Variants in PTPN13 observed in about 807,000 individuals in gnomAD.
PTPN13 encodes the protein protein tyrosine phosphatase non-receptor type 13, also known as tyrosine-protein phosphatase non-receptor type 13.
A neutral mutation model predicts 284.0 loss-of-function variants in PTPN13; 191 were observed. The observed-to-expected ratio is 0.67, with a 90% CI of 0.60 to 0.76. The LOEUF is 0.76. Ranked by LOEUF, PTPN13 falls within the 30% of genes least tolerant of loss-of-function variation. The pLI is 0.00. For synonymous variants in PTPN13, 986 were observed against 1,022.3 expected (o/e 0.96, Z 0.68); for missense variants, 2,797 against 2,939.9 (o/e 0.95, Z 1.12).
chr4:86,637,913 T>C lies in PTPN13; in HGVS notation c.115+2542T>C, dbSNP rs1269396912. ...TTGTCCCTGTTTGCAGACGACATGA[T>C]TGTATATCTAGAAAACCCCATCGTC... On this transcript the variant is annotated intron_variant, in intron 2 of 47. Coordinates refer to ENST00000411767, the MANE Select transcript of PTPN13 (RefSeq NM_080683.3). 2.6e-5 allele frequency among the ~76,000 whole-genome samples: 4 copies of C among 151,672 alleles called. No individual in the cohort carries two copies. In the East Asian group the frequency reaches 7.7e-4, roughly 29 times the overall value.
intron 7 of PTPN13, among the ~76,000 whole-genome samples, chr4:86,714,512 A>G (rs1732789019): frequency 6.6e-6 from 1 of 152,092 alleles, no homozygotes; most frequent in South Asian, 2.1e-4. Context: ...CCACCACCTG[A>G]AATCAAGCAC....
chr4:86,789,689 G>A (rs1045741264), intron 40 of PTPN13, among the ~76,000 whole-genome samples: 2 of 152,032 alleles, frequency 1.3e-5, no homozygotes, highest in African/African-American at 4.8e-5. Context: ...AATATATTCA[G>A]TGAGGCAGTA....
intron 3 of PTPN13, among the ~76,000 whole-genome samples, chr4:86,676,582 T>C (rs543868273): frequency 7.2e-5 from 11 of 152,366 alleles, no homozygotes; most frequent in Non-Finnish European, 1.5e-4. Context: ...AGCAGTGTTA[T>C]TCACAATAGC....
chr4:86,672,838 T>C (rs1009455172), intron 3 of PTPN13, among the ~76,000 whole-genome samples: 3 of 152,226 alleles, frequency 2.0e-5, no homozygotes, highest in African/African-American at 7.2e-5. Context: ...AACTGGAAAG[T>C]TGACCCTGAT....
intron 2 of PTPN13, among the ~76,000 whole-genome samples, chr4:86,652,479 G>A (rs935608250): frequency 6.6e-6 from 1 of 152,090 alleles, no homozygotes; most frequent in Non-Finnish European, 1.5e-5. Flanking sequence ...TTGTTTGTCT[G>A]GGGAAGTCTT....
chr4:86,802,592 G>A (rs1744158726), intron 42 of PTPN13, among the ~76,000 whole-genome samples: 2 of 152,188 alleles, frequency 1.3e-5, no homozygotes. Context: ...GGGTGTGGGA[G>A]TGTGCTAGGG....
At chr4:86,765,833 G>GT (rs891941913) in intron 26 of PTPN13, among the ~76,000 whole-genome samples, 81 of 145,516 alleles carry the variant, frequency 5.6e-4, no homozygotes, top group Middle Eastern at 3.5e-3. Flanking sequence ...TTTTGTTGTT[G>GT]TTTTTTTTTT....
chr4:86,722,449 A>C lies in PTPN13; in HGVS notation c.1608+15A>C. ...GAAAACTGAGGGTAAGTTGATTCTC[A>C]GGTTACTACACATCTAAACCTGCTC... is the stretch of plus-strand genomic sequence containing the variant. On this transcript the variant is annotated intron_variant, in intron 10 of 47. Transcript: ENST00000411767. 6.3e-7 allele frequency: 1 copy of C among 1,593,458 alleles called. No homozygotes were observed. Among genetic ancestry groups the C allele is most frequent in the Non-Finnish European group, 8.6e-7 (1 of 1,161,288 alleles).
chr4:86,701,606 T>A lies in PTPN13; in HGVS notation c.1000T>A (p.Ser334Thr), dbSNP rs755467869. The change falls in exon 7 of 48, where the codon TCA becomes ACA. Residue 334 changes from serine to threonine, a missense_variant. Physicochemically the swap from Ser to Thr is moderately conservative, Grantham distance 58. Transcript: ENST00000411767. The stretch of plus-strand genomic sequence containing the variant: ...CCCTGAGGCAGTAACAGTGCGGACT[T>A]CAACTACTCCTAGAAAAAAGGAGGC... ...CHPEAVTVRTSTTPRKKEARY... is the reference protein window; with the variant it reads ...CHPEAVTVRTTTTPRKKEARY... The A allele has an allele frequency of 1.9e-6, 3 of 1,613,880 alleles. No individual in the cohort carries two copies. The highest frequency in any genetic ancestry group is 4.5e-5 in the East Asian group (2 of 44,870).
At chr4:86,598,637 C>G (rs761519373) in intron 1 of PTPN13, among the ~76,000 whole-genome samples, 2 of 152,232 alleles carry the variant, frequency 1.3e-5, no homozygotes, top group Non-Finnish European at 1.5e-5. Context: ...TCTTTACCTA[C>G]TAGCCAATAA....
intron 7 of PTPN13, among the ~76,000 whole-genome samples, chr4:86,711,683 A>G (rs1411831922): frequency 1.3e-5 from 2 of 152,230 alleles, no homozygotes; most frequent in African/African-American, 4.8e-5. Flanking sequence ...ACTAATTTTT[A>G]CATTGTAGGC....
At chr4:86,761,597 A>C (rs938291255) in intron 23 of PTPN13, among the ~76,000 whole-genome samples, 2 of 152,210 alleles carry the variant, frequency 1.3e-5, no homozygotes, top group African/African-American at 4.8e-5. Flanking sequence ...ATTATCAGTC[A>C]TTCTCATTTT....
intron 37 of PTPN13, among the ~76,000 whole-genome samples, chr4:86,782,882 G>C (rs1385041463): frequency 1.3e-5 from 2 of 151,958 alleles, no homozygotes; most frequent in Non-Finnish European, 2.9e-5. Context: ...TGCCCATTTG[G>C]CTAACATCCC....
intron 6 of PTPN13, among the ~76,000 whole-genome samples, chr4:86,699,934 T>C (rs1730978749): frequency 6.6e-6 from 1 of 152,210 alleles, no homozygotes; most frequent in Admixed American, 6.5e-5. Context: ...AGCTGGAGTC[T>C]GTGACAATCT....
chr4:86,623,541 T>C (rs1222946830), intron 1 of PTPN13, among the ~76,000 whole-genome samples: 1 of 152,164 alleles, frequency 6.6e-6, no homozygotes, highest in Non-Finnish European at 1.5e-5. Flanking sequence ...CATTTCCAAA[T>C]AAAGACAATA....
chr4:86,812,551 TAAAC>T (rs879287033), intron 47 of PTPN13, among the ~76,000 whole-genome samples: 2 of 152,128 alleles, frequency 1.3e-5, no homozygotes, highest in Non-Finnish European at 2.9e-5. Flanking sequence ...GGTACGATTT[TAAAC>T]AGGGCGGCAC....
intron 10 of PTPN13, among the ~76,000 whole-genome samples, chr4:86,730,676 C>T (rs1734834181): frequency 1.3e-5 from 2 of 149,454 alleles, no homozygotes; most frequent in South Asian, 4.2e-4. Context: ...AGTATTTGGG[C>T]GGGAGTGTTC....
intron 5 of PTPN13, among the ~76,000 whole-genome samples, chr4:86,693,071 T>TAAAAAAAAAAAAAAAA (rs34543988): frequency 1.8e-5 from 2 of 112,304 alleles, no homozygotes; most frequent in African/African-American, 3.3e-5. Flanking sequence ...CCGTTATATT[T>TAAAAAAAAAAAAAAAA]AAAAAAAAAA....
chr4:86,646,477 T>C (rs921169207), intron 2 of PTPN13, among the ~76,000 whole-genome samples: 1 of 152,090 alleles, frequency 6.6e-6, no homozygotes, highest in Non-Finnish European at 1.5e-5. Flanking sequence ...TCTCGTATTT[T>C]AGTAAAGACG....
Sources: gnomAD v4.1 joint callset for allele counts (sites outside exome capture counted in the v4.1 genomes callset) on GRCh38, gnomAD v4.1.1 for gene constraint, MANE v1.5 for transcripts, NCBI Gene and HGNC (gene_info 2026-07-23, HGNC 2026-07-21) for gene names.